Variants in DIP2C observed in about 807,000 individuals in gnomAD.
The protein encoded by DIP2C is disco-interacting protein 2 homolog C.
A neutral mutation model predicts 192.4 loss-of-function variants in DIP2C; 33 were observed. The observed-to-expected ratio is 0.17, with a 90% confidence interval of 0.13 to 0.23. DIP2C has a LOEUF of 0.23. Ranked by LOEUF, DIP2C falls within the 10% of genes least tolerant of loss-of-function variation. The pLI is 1.00. For synonymous variants in DIP2C, 979 were observed against 864.1 expected, an observed-to-expected ratio of 1.13 and a Z score of -2.33; for missense variants, 1,537 against 2,110.1, an observed-to-expected ratio of 0.73 and a Z score of 5.32.
intron 1 of DIP2C, among the ~76,000 whole-genome samples, chr10:492,567 C>G (rs1382798847): frequency 1.3e-5 from 2 of 152,296 alleles, no homozygotes; most frequent in South Asian, 4.1e-4. Flanking sequence ...TAGTGCCTAG[C>G]GCCCCGCACT....
At chr10:376,038 T>C (rs1961540488) in intron 17 of DIP2C, among the ~76,000 whole-genome samples, 1 of 152,212 alleles carries the variant, frequency 6.6e-6, no homozygotes, top group South Asian at 2.1e-4. Flanking sequence ...TGCAGTCATG[T>C]AACGGCGGTA....
intron 1 of DIP2C, among the ~76,000 whole-genome samples, chr10:582,235 C>T (rs575256600): frequency 3.3e-5 from 5 of 152,322 alleles, no homozygotes; most frequent in African/African-American, 1.2e-4. Context: ...GGCCAGCACC[C>T]ACACCAGCCC....
chr10:628,008 T>C (rs1854299859), intron 1 of DIP2C, among the ~76,000 whole-genome samples: 1 of 152,210 alleles, frequency 6.6e-6, no homozygotes, highest in Non-Finnish European at 1.5e-5. Flanking sequence ...TAAAGGTCTT[T>C]AAATATCAAC....
At chr10:438,552 T>C (rs1967462848) in intron 4 of DIP2C, among the ~76,000 whole-genome samples, 1 of 151,738 alleles carries the variant, frequency 6.6e-6, no homozygotes, top group Non-Finnish European at 1.5e-5. Flanking sequence ...TGCAGTGGCA[T>C]GACCATGGCT....
At chr10:482,947 CCT>C (rs1843714479) in intron 2 of DIP2C, among the ~76,000 whole-genome samples, 1 of 152,196 alleles carries the variant, frequency 6.6e-6, no homozygotes, top group Non-Finnish European at 1.5e-5. Flanking sequence ...TTCCAGGCAC[CCT>C]CTCTGACCCT....
At chr10:593,485 A>ACCCCCCCCCCCC (rs10563749) in intron 1 of DIP2C, among the ~76,000 whole-genome samples, 7 of 64,210 alleles carry the variant, frequency 1.1e-4, no homozygotes, top group Admixed American at 2.3e-4. Context: ...CCCACGCGGG[A>ACCCCCCCCCCCC]CCCCCCCCCC....
At chr10:674,705 GTTGCAATGAGTCGAGA>G (rs1382641711) in intron 1 of DIP2C, among the ~76,000 whole-genome samples, 2 of 149,912 alleles carry the variant, frequency 1.3e-5, no homozygotes, top group East Asian at 3.9e-4. Context: ...GGAGGTGGAG[GTTGCAATGAGTCGAGA>G]TTGCACCACT....
intron 1 of DIP2C, among the ~76,000 whole-genome samples, chr10:674,789 T>TAGAGAGAGAGAGAGAGAGAGAG (rs1554772102): frequency 1.6e-5 from 1 of 62,486 alleles, no homozygotes; most frequent in African/African-American, 9.0e-5. Flanking sequence ...TATATATATA[T>TAGAGAGAGAGAGAGAGAGAGAG]AGAGAGAGAG....
At chr10:552,184 G>A (rs1348995699) in intron 1 of DIP2C, among the ~76,000 whole-genome samples, 2 of 152,232 alleles carry the variant, frequency 1.3e-5, no homozygotes, top group Non-Finnish European at 2.9e-5. Flanking sequence ...ACTAATCTGA[G>A]ATTTACTATC....
intron 10 of DIP2C, among the ~76,000 whole-genome samples, chr10:395,146 ATGG>A (rs1963882599): frequency 4.7e-5 from 2 of 42,154 alleles, no homozygotes; most frequent in Non-Finnish European, 7.8e-5. Flanking sequence ...GAGGGAGGAG[ATGG>A]GGGGGAGGGA....
chr10:532,233 T>C (rs957251920), intron 1 of DIP2C, among the ~76,000 whole-genome samples: 1 of 152,072 alleles, frequency 6.6e-6, no homozygotes, highest in Non-Finnish European at 1.5e-5. Flanking sequence ...TGGAAGCCCA[T>C]CCAGTTACCC....
chr10:296,661 G>A (rs963751902), intron 32 of DIP2C, among the ~76,000 whole-genome samples: 1 of 152,034 alleles, frequency 6.6e-6, no homozygotes, highest in Non-Finnish European at 1.5e-5. Flanking sequence ...ATGATAGACT[G>A]GATTAAGAAA....
chr10:646,500 G>A (rs149655219), intron 1 of DIP2C, among the ~76,000 whole-genome samples: 66 of 152,340 alleles, frequency 4.3e-4, no homozygotes, highest in Non-Finnish European at 7.6e-4. Flanking sequence ...TGCTCCTGCC[G>A]GCCTGCAGGA....
At chr10:478,543 G>A (rs921636007) in intron 2 of DIP2C, among the ~76,000 whole-genome samples, 1 of 151,524 alleles carries the variant, frequency 6.6e-6, no homozygotes, top group African/African-American at 2.4e-5. Flanking sequence ...CATGCTGGGG[G>A]TGTAGACACA....
chr10:573,120 G>C (rs942957355), intron 1 of DIP2C, among the ~76,000 whole-genome samples: 1 of 152,102 alleles, frequency 6.6e-6, no homozygotes, highest in African/African-American at 2.4e-5. Flanking sequence ...TGAATTATTT[G>C]GGAGTTCCTG....
At position 326,111 on chromosome 10, in the gene DIP2C, CG is replaced by C. The variant is rs550948862; in HGVS notation, c.3924+894del. On this transcript the variant is annotated intron_variant, in intron 31 of 36. Coordinates refer to ENST00000280886, the MANE Select transcript of DIP2C (RefSeq NM_014974.3). ...TGGGAGGGTTGCTTGAGCCTGGGAG[CG>C]GGGGGCAGGGGGTTGAGGCTGCAGT... Among the ~76,000 whole-genome samples the C allele has an allele frequency of 2.6e-3, 398 of 151,946 alleles. 1 individual carries two copies. Among genetic ancestry groups the C allele is most frequent in the Middle Eastern group, 0.024 (7 of 294 alleles).
intron 1 of DIP2C, among the ~76,000 whole-genome samples, chr10:491,443 C>T (rs1342959875): frequency 1.3e-5 from 2 of 152,234 alleles, no homozygotes; most frequent in East Asian, 1.9e-4. Flanking sequence ...GAAGGCAAGG[C>T]CGCAGCCTCG....
chr10:526,011 C>G (rs1025250992), intron 1 of DIP2C, among the ~76,000 whole-genome samples: 1 of 152,234 alleles, frequency 6.6e-6, no homozygotes, highest in Non-Finnish European at 1.5e-5. Context: ...CCTCCTTCTG[C>G]AACGCCTGGC....
chr10:514,758 G>A (rs1374212269), intron 1 of DIP2C, among the ~76,000 whole-genome samples: 1 of 151,838 alleles, frequency 6.6e-6, no homozygotes, highest in African/African-American at 2.4e-5. Flanking sequence ...CCGTATCAAC[G>A]CCAACATTCA....
Sources: gnomAD v4.1 joint callset for allele counts (sites outside exome capture counted in the v4.1 genomes callset) on GRCh38, gnomAD v4.1.1 for gene constraint, MANE v1.5 for transcripts, NCBI Gene and HGNC (gene_info 2026-07-23, HGNC 2026-07-21) for gene names.